DCPS: variants seen among roughly 807,000 people sequenced by gnomAD.
DCPS encodes m7GpppX diphosphatase.
DCPS carries 27 observed loss-of-function variants against 34.7 expected under a neutral mutation model. That is an observed-to-expected ratio of 0.78 (90% CI 0.57 to 1.07). DCPS has a LOEUF of 1.07. DCPS is among the 50% of genes least tolerant of loss of function. The probability of loss-of-function intolerance (pLI) is 0.00; values close to 1 mark genes in which losing one functional copy is unlikely to be tolerated. For synonymous variants in DCPS, 185 were observed against 185.7 expected (o/e 1.00, Z 0.03); for missense variants, 464 against 436.9 (o/e 1.06, Z -0.55).
At position 126,345,862 on chromosome 11, in the gene DCPS, A is replaced by T; in HGVS notation, c.*249A>T. On this transcript the variant is annotated 3_prime_UTR_variant, in exon 6 of 6. Coordinates refer to ENST00000263579, the MANE Select transcript of DCPS (RefSeq NM_014026.6). This position sits in a 1 kb window ranked among gnomAD's most constrained non-coding sequence, Gnocchi z 7.4. ...GGAAAGTCTCCAGGTGGTGGTTTCAACTGACAGGTGGGAGCTGCCCTGGAA... is the reference window on the plus strand; with the variant it reads ...GGAAAGTCTCCAGGTGGTGGTTTCATCTGACAGGTGGGAGCTGCCCTGGAA... The T allele has an allele frequency of 1.7e-6, 1 of 578,116 alleles. No homozygotes were observed. The highest frequency in any genetic ancestry group is 3.2e-5 in the Admixed American group (1 of 31,392). The allele number at this position is 578,116 out of a possible 1,614,324, so 35.8% of individuals were successfully genotyped here. A position where few individuals can be genotyped will look rare whatever the true frequency, so the allele number is the denominator to read the frequency against.
In DCPS at chr11:126,347,435, G is replaced by C. The variant is rs1951944645; in HGVS notation, c.*1822G>C. ...GACGGGGTTTCACCATGTTGGCCAG[G>C]CTGGTCTCCAACTCCTGGCCTCAGG... is the stretch of plus-strand genomic sequence containing the variant. On this transcript the variant is annotated 3_prime_UTR_variant, in exon 6 of 6. Transcript: ENST00000263579. The surrounding 1 kb of genome is among the most constrained non-coding windows in gnomAD (Gnocchi z 4.2). Among the ~76,000 whole-genome samples, 1 of 152,024 alleles carries C rather than the reference G, an allele frequency of 6.6e-6. No individual in the cohort carries two copies. Among genetic ancestry groups the C allele is most frequent in the Non-Finnish European group, 1.5e-5 (1 of 68,004 alleles).
chr11:126,328,477 A>T lies in DCPS; in HGVS notation c.377-2928A>T, dbSNP rs1322982404. ...GCAGGAAGTGAGCAGTTGGAAAATA[A>T]GCACCTGTGGATGCTCTTGCTGCTG... is the stretch of plus-strand genomic sequence containing the variant. On this transcript the variant is annotated intron_variant, in intron 2 of 5. Transcript: ENST00000263579. This position sits in a 1 kb window ranked among gnomAD's most constrained non-coding sequence, Gnocchi z 6.6. Among the ~76,000 whole-genome samples, 1 of 152,120 alleles carries T rather than the reference A, an allele frequency of 6.6e-6. No homozygotes were observed. Among genetic ancestry groups the T allele is most frequent in the Non-Finnish European group, 1.5e-5 (1 of 68,002 alleles).
rs1280206479 is a variant in DCPS at position 126,348,644 on chromosome 11, C to T, written c.*3031C>T. On this transcript the variant is annotated 3_prime_UTR_variant, in exon 6 of 6. Transcript: ENST00000263579. The surrounding 1 kb of genome is among the most constrained non-coding windows in gnomAD (Gnocchi z 5.3). ...TTAGGGTGACCTTCATATCAGACTC[C>T]CAGGTAACTCAAGATGATAGCTTTG... Among the ~76,000 whole-genome samples, 2 of 152,182 alleles carry T rather than the reference C, an allele frequency of 1.3e-5. No homozygotes were observed. The highest frequency in any genetic ancestry group is 4.8e-5 in the African/African-American group (2 of 41,458).
intron 2 of DCPS, among the ~76,000 whole-genome samples, chr11:126,310,625 T>G (rs1240078223): frequency 6.6e-6 from 1 of 152,224 alleles, no homozygotes; most frequent in Non-Finnish European, 1.5e-5. Context: ...CTGACCTATG[T>G]GTAGATTTGT....
chr11:126,323,596 C>T lies in DCPS; in HGVS notation c.377-7809C>T, dbSNP rs1437550753. On this transcript the variant is annotated intron_variant, in intron 2 of 5. Coordinates refer to ENST00000263579, the MANE Select transcript of DCPS (RefSeq NM_014026.6). This position sits in a 1 kb window ranked among gnomAD's most constrained non-coding sequence, Gnocchi z 4.4. Reference sequence around the variant, plus strand: ...AGTCACCCAGGCTGGAGCGCAGTGGCACGATCACAGCTCACTGCAGCCTTG... The same window carrying T: ...AGTCACCCAGGCTGGAGCGCAGTGGTACGATCACAGCTCACTGCAGCCTTG... Among the ~76,000 whole-genome samples the T allele has an allele frequency of 1.3e-5, 2 of 151,704 alleles. No homozygotes were observed. Among genetic ancestry groups the T allele is most frequent in the Non-Finnish European group, 2.9e-5 (2 of 67,980 alleles).
chr11:126,341,355 C>G (rs1241531139), intron 4 of DCPS: 1 of 152,244 alleles, frequency 6.6e-6, no homozygotes, highest in Non-Finnish European at 1.5e-5. Context: ...CTTTCCTGCC[C>G]CTGGGCTAGC....
Position 126,304,079 on chromosome 11 carries a change from G to A in DCPS, c.-2G>A. 1.3e-6 allele frequency: 2 copies of A among 1,593,062 alleles called. No homozygotes were observed. The highest frequency in any genetic ancestry group is 2.3e-5 in the East Asian group (1 of 43,796). ...GCAGGCGCACACCGCCTCCGCGGCA[G>A]CATGGCGGACGCAGCTCCTCAACTA... On this transcript the variant is annotated 5_prime_UTR_variant, in exon 1 of 6. Transcript: ENST00000263579.
rs990204554 is a variant in DCPS at position 126,345,107 on chromosome 11, C to T, written c.748-240C>T. Among the ~76,000 whole-genome samples, 11 of 152,210 alleles carry T rather than the reference C, an allele frequency of 7.2e-5. No individual in the cohort carries two copies. The highest frequency in any genetic ancestry group is 2.6e-4 in the Admixed American group (4 of 15,288). ...TGGGGTGGGGAATGCTGATTGAGGCCGCTCCCCACTTCTTTTGGGAGAGTC... is the reference window on the plus strand; with the variant it reads ...TGGGGTGGGGAATGCTGATTGAGGCTGCTCCCCACTTCTTTTGGGAGAGTC... On this transcript the variant is annotated intron_variant, in intron 5 of 5. Transcript: ENST00000263579. This position sits in a 1 kb window ranked among gnomAD's most constrained non-coding sequence, Gnocchi z 7.4.
chr11:126,339,389 C>T (rs569905470), intron 4 of DCPS, among the ~76,000 whole-genome samples: 206 of 152,296 alleles, frequency 1.4e-3, no homozygotes, highest in African/African-American at 4.7e-3. Flanking sequence ...CCTCGTCTGC[C>T]CCTCCGCGGG....
rs961219561 is a variant in DCPS at position 126,328,573 on chromosome 11, C to G, written c.377-2832C>G. 2.0e-5 allele frequency among the ~76,000 whole-genome samples: 3 copies of G among 152,150 alleles called. No individual in the cohort carries two copies. The highest frequency in any genetic ancestry group is 4.4e-5 in the Non-Finnish European group (3 of 68,014). On this transcript the variant is annotated intron_variant, in intron 2 of 5. Coordinates refer to ENST00000263579, the MANE Select transcript of DCPS (RefSeq NM_014026.6). This position sits in a 1 kb window ranked among gnomAD's most constrained non-coding sequence, Gnocchi z 6.6. Reference sequence around the variant, plus strand: ...CACCCTGGGTGGCTGGGGCAGGTCTCCCACAGGCCTCGGCAGACCAGGGCA... The same window carrying G: ...CACCCTGGGTGGCTGGGGCAGGTCTGCCACAGGCCTCGGCAGACCAGGGCA...
chr11:126,312,953 A>G lies in DCPS; in HGVS notation c.376+6209A>G, dbSNP rs1951629704. Among the ~76,000 whole-genome samples the G allele has an allele frequency of 1.3e-5, 2 of 152,036 alleles. No homozygotes were observed. Among genetic ancestry groups the G allele is most frequent in the South Asian group, 4.1e-4 (2 of 4,826 alleles). Reference sequence around the variant, plus strand: ...AATGGCCCGAAGGCTGGCACCTGAGAGCTTCCTCTGACCCTCCAGGCTGGG... The same window carrying G: ...AATGGCCCGAAGGCTGGCACCTGAGGGCTTCCTCTGACCCTCCAGGCTGGG... On this transcript the variant is annotated intron_variant, in intron 2 of 5. Transcript: ENST00000263579. This position sits in a 1 kb window ranked among gnomAD's most constrained non-coding sequence, Gnocchi z 5.1.
chr11:126,330,719 ATTTTTTTTTTTTTTT>A (rs1167717646), intron 2 of DCPS, among the ~76,000 whole-genome samples: 14 of 18,876 alleles, frequency 7.4e-4, no homozygotes, highest in South Asian at 3.4e-3. Context: ...ATATATATAT[ATTTTTTTTTTTTTTT>A]TTTTTTTTTT....
chr11:126,318,702 C>G (rs1465069283), intron 2 of DCPS, among the ~76,000 whole-genome samples: 1 of 152,170 alleles, frequency 6.6e-6, no homozygotes, highest in Non-Finnish European at 1.5e-5. Flanking sequence ...GCCTGCACAT[C>G]TGGGTTAAAT....
Position 126,348,690 on chromosome 11 carries a change from T to C in DCPS, c.*3077T>C, listed in dbSNP as rs1288823824. ...CTTTGCAATATAGTGCCTCCTTTTA[T>C]TCCTATTTGTGAGTTTCTCCGCTTT... On this transcript the variant is annotated 3_prime_UTR_variant, in exon 6 of 6. Coordinates refer to ENST00000263579, the MANE Select transcript of DCPS (RefSeq NM_014026.6). The surrounding 1 kb of genome is among the most constrained non-coding windows in gnomAD (Gnocchi z 5.3). Among the ~76,000 whole-genome samples the C allele has an allele frequency of 6.6e-6, 1 of 152,250 alleles. No homozygotes were observed. Among genetic ancestry groups the C allele is most frequent in the Non-Finnish European group, 1.5e-5 (1 of 68,036 alleles).
In DCPS at chr11:126,346,180, A is replaced by AG. The variant is rs1951926479; in HGVS notation, c.*571dup. ...TGATAAACTTCTTGTTGACGAGGAT[A>AG]GGGGCTTGGTGCCTGGAAATCGGCG... is the stretch of plus-strand genomic sequence containing the variant. On this transcript the variant is annotated 3_prime_UTR_variant, in exon 6 of 6. Coordinates refer to ENST00000263579, the MANE Select transcript of DCPS (RefSeq NM_014026.6). The surrounding 1 kb of genome is among the most constrained non-coding windows in gnomAD (Gnocchi z 4.1). Among the ~76,000 whole-genome samples the AG allele has an allele frequency of 6.6e-6, 1 of 152,188 alleles. No individual in the cohort carries two copies. Among genetic ancestry groups the AG allele is most frequent in the Non-Finnish European group, 1.5e-5 (1 of 68,036 alleles).
chr11:126,317,239 G>T (rs574810395), intron 2 of DCPS, among the ~76,000 whole-genome samples: 4 of 151,290 alleles, frequency 2.6e-5, no homozygotes, highest in Non-Finnish European at 5.9e-5. Context: ...GATTACAGGC[G>T]TGAGCCACTG....
At chr11:126,306,477 G>A (rs1951566766) in intron 1 of DCPS, 93 bp from the exon 2 acceptor site, 3 of 1,328,088 alleles carry the variant, frequency 2.3e-6, no homozygotes, top group African/African-American at 3.0e-5. Context: ...CCCAAGTATT[G>A]GGAATTCAAA....
At chr11:126,340,845 T>C (rs1359460061) in intron 4 of DCPS, 1 of 152,248 alleles carries the variant, frequency 6.6e-6, no homozygotes, top group Non-Finnish European at 1.5e-5. Flanking sequence ...TTAGAGGTTA[T>C]AACATCCCTT....
chr11:126,304,103 T>C lies in DCPS; in HGVS notation c.23T>C (p.Leu8Pro). Residue 8 changes from leucine (L) to proline (P), a missense_variant, in exon 1 of 6, where the codon CTA (leucine) becomes CCA (proline). By Grantham distance (98) the Leu-to-Pro change is moderately conservative. Transcript: ENST00000263579. MADAAPQ[L>P]GKRKRELDVE... is the part of the protein sequence containing the mutation. The stretch of plus-strand genomic sequence containing the variant: ...AGCATGGCGGACGCAGCTCCTCAAC[T>C]AGGCAAGAGGAAGCGCGAATTGGAC... 3 of 1,611,472 alleles carry C rather than the reference T, an allele frequency of 1.9e-6. No homozygotes were observed. The highest frequency in any genetic ancestry group is 2.5e-6 in the Non-Finnish European group (3 of 1,178,898).
Sources: gnomAD v4.1 joint callset for allele counts (sites outside exome capture counted in the v4.1 genomes callset) on GRCh38, gnomAD v4.1.1 for gene constraint, Gnocchi (gnomAD v3.1) non-coding constraint, MANE v1.5 for transcripts, NCBI Gene and HGNC (gene_info 2026-07-23, HGNC 2026-07-21) for gene names.